Variants in ZSWIM6 observed in about 807,000 individuals in gnomAD.
ZSWIM6 encodes the protein zinc finger SWIM-type containing 6.
A neutral mutation model predicts 113.2 loss-of-function variants in ZSWIM6; 9 were observed. The ratio of observed to expected loss-of-function variants is 0.08; its 90% CI spans 0.05 to 0.14. The LOEUF is 0.14. Ranked by LOEUF, ZSWIM6 falls within the 10% of genes least tolerant of loss-of-function variation. The pLI, the probability that ZSWIM6 is intolerant of heterozygous loss-of-function variation, is 1.00. For synonymous variants in ZSWIM6, 611 were observed against 606.5 expected, an observed-to-expected ratio of 1.01 and a Z score of -0.11; for missense variants, 1,162 against 1,552.2, an observed-to-expected ratio of 0.75 and a Z score of 4.22.
chr5:61,381,374 G>A (rs1353717056), intron 1 of ZSWIM6, among the ~76,000 whole-genome samples: 1 of 152,208 alleles, frequency 6.6e-6, no homozygotes, highest in Non-Finnish European at 1.5e-5. Flanking sequence ...TATATTTGTA[G>A]AATGAGTCAT....
chr5:61,526,773 C>G (rs1164549603), intron 7 of ZSWIM6, among the ~76,000 whole-genome samples: 6 of 152,174 alleles, frequency 3.9e-5, no homozygotes, highest in African/African-American at 1.4e-4. Context: ...CCCGGCAATC[C>G]TAACGTCCCA....
At chr5:61,531,792 T>G in intron 9 of ZSWIM6, 67 bp downstream of exon 9, 1 of 1,502,108 alleles carries the variant, frequency 6.7e-7, no homozygotes. Context: ...TTTCTTATGT[T>G]AAAAGTGCTA....
intron 1 of ZSWIM6, chr5:61,391,214 T>G: frequency 1.1e-6 from 1 of 885,912 alleles, no homozygotes; most frequent in Non-Finnish European, 1.9e-6. Context: ...GTCAACCTGA[T>G]GACGTCGATC....
intron 1 of ZSWIM6, among the ~76,000 whole-genome samples, chr5:61,387,571 T>C (rs1275020493): frequency 6.6e-6 from 1 of 151,788 alleles, no homozygotes; most frequent in Non-Finnish European, 1.5e-5. Flanking sequence ...GAGGCTGAGG[T>C]AGGAGGATTG....
intron 1 of ZSWIM6, among the ~76,000 whole-genome samples, chr5:61,464,023 G>A (rs1235653055): frequency 1.3e-5 from 2 of 151,664 alleles, no homozygotes; most frequent in Admixed American, 1.3e-4. Flanking sequence ...ATGGGGTTTC[G>A]CTCTTGTTGC....
chr5:61,403,548 C>T (rs939553166), intron 1 of ZSWIM6, among the ~76,000 whole-genome samples: 6 of 152,156 alleles, frequency 3.9e-5, no homozygotes, highest in African/African-American at 1.2e-4. Context: ...CTTTATTTCT[C>T]GCATGGGTGC....
At chr5:61,366,029 G>A (rs1414443225) in intron 1 of ZSWIM6, among the ~76,000 whole-genome samples, 1 of 151,992 alleles carries the variant, frequency 6.6e-6, no homozygotes. Flanking sequence ...CCAGTAGCTG[G>A]GACTACAGGC....
intron 1 of ZSWIM6, among the ~76,000 whole-genome samples, chr5:61,365,823 GTAAGT>G (rs368812707): frequency 1.3e-5 from 2 of 152,350 alleles, no homozygotes; most frequent in African/African-American, 4.8e-5. Flanking sequence ...ATATTTGGCA[GTAAGT>G]TTGGTAAATG....
At position 61,337,360 on chromosome 5, in the gene ZSWIM6, A is replaced by G. The variant is rs565792910; in HGVS notation, c.676+4412A>G. 4.7e-4 allele frequency among the ~76,000 whole-genome samples: 72 copies of G among 152,360 alleles called. No individual in the cohort carries two copies. In the South Asian group the frequency reaches 0.013, roughly 27 times the overall value. ...ATTTTCTTCTACCACATTGGTGAAGACTAAAAAGACAATACCCAGAATTGG... is the reference window on the plus strand; with the variant it reads ...ATTTTCTTCTACCACATTGGTGAAGGCTAAAAAGACAATACCCAGAATTGG... On this transcript the variant is annotated intron_variant, in intron 1 of 13. Coordinates refer to ENST00000252744, the MANE Select transcript of ZSWIM6 (RefSeq NM_020928.2).
At chr5:61,526,130 T>A (rs1199876328) in intron 6 of ZSWIM6, 120 bp from the exon 7 acceptor site, 2 of 1,428,500 alleles carry the variant, frequency 1.4e-6, no homozygotes, top group African/African-American at 2.9e-5. Context: ...AAATCCAAGT[T>A]CAGGAATGGT....
At chr5:61,478,465 A>G (rs1424919907) in intron 2 of ZSWIM6, among the ~76,000 whole-genome samples, 1 of 152,132 alleles carries the variant, frequency 6.6e-6, no homozygotes, top group Admixed American at 6.6e-5. Flanking sequence ...ACACATATAT[A>G]TGAAGTTTTA....
chr5:61,416,766 A>G (rs1009716604), intron 1 of ZSWIM6, among the ~76,000 whole-genome samples: 1 of 152,258 alleles, frequency 6.6e-6, no homozygotes, highest in African/African-American at 2.4e-5. Flanking sequence ...TAGAAAACAC[A>G]AAGCCTATTT....
chr5:61,525,441 G>A (rs1452559557), intron 5 of ZSWIM6, among the ~76,000 whole-genome samples: 1 of 152,196 alleles, frequency 6.6e-6, no homozygotes, highest in Non-Finnish European at 1.5e-5. Context: ...GCCCACCACA[G>A]CACCTCAGAA....
intron 4 of ZSWIM6, among the ~76,000 whole-genome samples, chr5:61,506,194 A>G (rs913547138): frequency 3.3e-5 from 5 of 152,200 alleles, no homozygotes; most frequent in Admixed American, 3.3e-4. Context: ...TTTTTGCTGT[A>G]TTCCCGAGGT....
intron 2 of ZSWIM6, among the ~76,000 whole-genome samples, chr5:61,488,006 G>A (rs1242997850): frequency 6.6e-6 from 1 of 151,922 alleles, no homozygotes; most frequent in East Asian, 1.9e-4. Context: ...CGTTGGCTGT[G>A]GGTATGTCAT....
In ZSWIM6 at chr5:61,332,354, AGCG is replaced by A. The variant is rs528020839; in HGVS notation, c.98_100del (p.Gly33del). Reference sequence around the variant, plus strand: ...CGGCGGCGGCGGCGGCGGGGGCAGCAGCGGCGGCGGCGGCGGCGCGGGTGGCGG... The same window carrying A: ...CGGCGGCGGCGGCGGCGGGGGCAGCAGCGGCGGCGGCGGCGCGGGTGGCGG... On this transcript the variant is annotated inframe_deletion, in exon 1 of 14. Coordinates refer to ENST00000252744, the MANE Select transcript of ZSWIM6 (RefSeq NM_020928.2). 77 of 1,003,512 alleles carry A rather than the reference AGCG, an allele frequency of 7.7e-5. No individual in the cohort carries two copies. The highest frequency in any genetic ancestry group is 6.2e-4 in the East Asian group (10 of 16,192). The allele number at this position is 1,003,512 out of a possible 1,614,324, so 62.2% of individuals were successfully genotyped here. A position where few individuals can be genotyped will look rare whatever the true frequency, so the allele number is the denominator to read the frequency against.
At position 61,406,690 on chromosome 5, in the gene ZSWIM6, T is replaced by TTTTATTTATTTATTTATTTA. The variant is rs3067225; in HGVS notation, c.677-65971_677-65952dup. On this transcript the variant is annotated intron_variant, in intron 1 of 13. Transcript: ENST00000252744. Reference sequence around the variant, plus strand: ...GATACTATAATTTATCTCAGAAATCTTTTATTTATTTATTTATTTATTTAT... The same window carrying TTTTATTTATTTATTTATTTA: ...GATACTATAATTTATCTCAGAAATCTTTTATTTATTTATTTATTTATTTATTTATTTATTTATTTATTTAT... Among the ~76,000 whole-genome samples the TTTTATTTATTTATTTATTTA allele has an allele frequency of 5.7e-4, 83 of 145,932 alleles. 1 individual carries two copies. Among genetic ancestry groups the TTTTATTTATTTATTTATTTA allele is most frequent in the African/African-American group, 1.6e-3 (63 of 39,480 alleles).
At chr5:61,382,769 C>A (rs1364434758) in intron 1 of ZSWIM6, among the ~76,000 whole-genome samples, 1 of 151,606 alleles carries the variant, frequency 6.6e-6, no homozygotes, top group Non-Finnish European at 1.5e-5. Context: ...CGTGCCACTG[C>A]ACTCCAGCCT....
intron 6 of ZSWIM6, 105 bp downstream of exon 6, chr5:61,526,081 T>C (rs1749272570): frequency 4.9e-6 from 7 of 1,435,440 alleles, no homozygotes; most frequent in Non-Finnish European, 6.6e-6. Flanking sequence ...CAATGGGAGA[T>C]GGATGAATGC....
Sources: gnomAD v4.1 joint callset for allele counts (sites outside exome capture counted in the v4.1 genomes callset) on GRCh38, gnomAD v4.1.1 for gene constraint, MANE v1.5 for transcripts, NCBI Gene and HGNC (gene_info 2026-07-23, HGNC 2026-07-21) for gene names.